NIM1K: variants seen among roughly 807,000 people sequenced by gnomAD.
NIM1K encodes the protein serine/threonine-protein kinase NIM1.
Under a neutral mutation model 37.1 loss-of-function variants are expected in NIM1K, and 35 were observed. The ratio of observed to expected loss-of-function variants is 0.94; its 90% CI spans 0.72 to 1.25. The LOEUF (loss-of-function observed/expected upper bound fraction) is 1.25. Ranked by LOEUF, NIM1K falls within the 50% of genes most tolerant of loss-of-function variation. The probability of loss-of-function intolerance (pLI) is 0.00; values close to 1 mark genes in which losing one functional copy is unlikely to be tolerated. For missense variants in NIM1K, 564 were observed against 548.0 expected (o/e 1.03, Z -0.29); for synonymous variants, 234 against 206.6 (o/e 1.13, Z -1.14).
chr5:43,219,141 G>A (rs970452267), intron 1 of NIM1K, among the ~76,000 whole-genome samples: 1 of 152,022 alleles, frequency 6.6e-6, no homozygotes, highest in Non-Finnish European at 1.5e-5. Context: ...GTTTCCTGAG[G>A]CCTCCCCAGC....
At chr5:43,258,128 C>A (rs555822625) in intron 2 of NIM1K, among the ~76,000 whole-genome samples, 1 of 152,180 alleles carries the variant, frequency 6.6e-6, no homozygotes, top group Non-Finnish European at 1.5e-5. Context: ...TGAAGTGTAA[C>A]CACTATTCTG....
At chr5:43,269,643 G>C (rs1161736508) in intron 2 of NIM1K, among the ~76,000 whole-genome samples, 1 of 151,834 alleles carries the variant, frequency 6.6e-6, no homozygotes, top group Non-Finnish European at 1.5e-5. Flanking sequence ...TTTTGAGACA[G>C]AGTCTTGCTC....
chr5:43,255,598 A>T (rs1037648233), intron 2 of NIM1K, among the ~76,000 whole-genome samples: 3 of 151,870 alleles, frequency 2.0e-5, no homozygotes, highest in African/African-American at 7.3e-5. Context: ...AAAATACAAA[A>T]ATTAGCTGGG....
rs1752764711 is a variant in NIM1K at position 43,245,601 on chromosome 5, C to A, written c.-175C>A. The A allele has an allele frequency of 1.7e-6, 1 of 588,882 alleles. No individual in the cohort carries two copies. Among genetic ancestry groups the A allele is most frequent in the African/African-American group, 1.9e-5 (1 of 53,932 alleles). 36.5% of individuals were successfully genotyped at this position (588,882 alleles called of 1,614,324 possible). ...CTGGGCTGGGCAGACTCAGCTACCA[C>A]GTTCACTGCCTTCCTCTCACTAAAG... On this transcript the variant is annotated 5_prime_UTR_variant, in exon 2 of 4. Coordinates refer to ENST00000326035, the MANE Select transcript of NIM1K (RefSeq NM_153361.4).
chr5:43,234,242 T>A (rs201033551), intron 1 of NIM1K, among the ~76,000 whole-genome samples: 10 of 151,146 alleles, frequency 6.6e-5, no homozygotes, highest in East Asian at 3.9e-4. Context: ...CGTGTCATTC[T>A]TTCATTCATT....
At position 43,256,698 on chromosome 5, in the gene NIM1K, C is replaced by A. The variant is rs1235994583; in HGVS notation, c.292+10631C>A. Among the ~76,000 whole-genome samples, 4 of 152,278 alleles carry A rather than the reference C, an allele frequency of 2.6e-5. No homozygotes were observed. The East Asian group carries it at 5.8e-4, about 22-fold the overall frequency. ...GGAGCCTCCTCTGCATGCATGGTAG[C>A]CCAGAAGTACAGAATGCACTTCCTG... On this transcript the variant is annotated intron_variant, in intron 2 of 3. Coordinates refer to ENST00000326035, the MANE Select transcript of NIM1K (RefSeq NM_153361.4).
intron 1 of NIM1K, among the ~76,000 whole-genome samples, chr5:43,240,887 A>G (rs1027247613): frequency 6.6e-6 from 1 of 151,800 alleles, no homozygotes; most frequent in African/African-American, 2.4e-5. Flanking sequence ...CCACCTCTTA[A>G]CAGTATATCT....
At chr5:43,242,368 C>G (rs1752715536) in intron 1 of NIM1K, among the ~76,000 whole-genome samples, 2 of 151,562 alleles carry the variant, frequency 1.3e-5, no homozygotes, top group African/African-American at 4.9e-5. Context: ...GAAGCAGCAG[C>G]TGGGCAGGAG....
At chr5:43,231,053 C>T (rs1462100348) in intron 1 of NIM1K, among the ~76,000 whole-genome samples, 1 of 152,210 alleles carries the variant, frequency 6.6e-6, no homozygotes, top group Non-Finnish European at 1.5e-5. Context: ...TGCTGTGGCT[C>T]ACACCTATAA....
At position 43,264,586 on chromosome 5, in the gene NIM1K, A is replaced by T. The variant is rs368054857; in HGVS notation, c.293-12471A>T. ...TTGACTCTATCCAATTTGCCAGTCT[A>T]TGTCTTTTAATTGGAGGATTTAGCC... On this transcript the variant is annotated intron_variant, in intron 2 of 3. Transcript: ENST00000326035. 2.9e-3 allele frequency among the ~76,000 whole-genome samples: 438 copies of T among 152,210 alleles called. 2 individuals are homozygous for T. The highest frequency in any genetic ancestry group is 0.01 in the African/African-American group (430 of 41,510).
intron 1 of NIM1K, among the ~76,000 whole-genome samples, chr5:43,224,846 C>T (rs1752430999): frequency 6.6e-6 from 1 of 152,082 alleles, no homozygotes; most frequent in African/African-American, 2.4e-5. Context: ...CAGGCGTCCA[C>T]CATCACACCC....
At chr5:43,261,230 G>A in intron 2 of NIM1K, among the ~76,000 whole-genome samples, 1 of 152,214 alleles carries the variant, frequency 6.6e-6, no homozygotes, top group Non-Finnish European at 1.5e-5. Context: ...CCCACCAACA[G>A]TGTAAAAGTG....
intron 1 of NIM1K, among the ~76,000 whole-genome samples, chr5:43,218,548 G>C (rs1048956574): frequency 2.0e-5 from 3 of 152,016 alleles, no homozygotes; most frequent in Non-Finnish European, 2.9e-5. Context: ...GAAAGAGAGA[G>C]GAGGAGGTGC....
At chr5:43,220,215 C>A (rs998053159) in intron 1 of NIM1K, among the ~76,000 whole-genome samples, 1 of 150,154 alleles carries the variant, frequency 6.7e-6, no homozygotes, top group Non-Finnish European at 1.5e-5. Flanking sequence ...ACATTTAGGT[C>A]TTTAATGCAT....
intron 1 of NIM1K, among the ~76,000 whole-genome samples, chr5:43,206,082 T>C (rs1374946410): frequency 7.9e-5 from 12 of 152,118 alleles, no homozygotes; most frequent in Admixed American, 7.9e-4. Flanking sequence ...CTAGGGAATA[T>C]TGAAAATATG....
intron 1 of NIM1K, among the ~76,000 whole-genome samples, chr5:43,237,423 G>T (rs2112251587): frequency 6.6e-6 from 1 of 152,274 alleles, no homozygotes; most frequent in Non-Finnish European, 1.5e-5. Context: ...AATTTTGTCT[G>T]GTTGAGTTTC....
intron 2 of NIM1K, among the ~76,000 whole-genome samples, chr5:43,262,336 G>A (rs1296937109): frequency 6.6e-6 from 1 of 152,114 alleles, no homozygotes; most frequent in East Asian, 1.9e-4. Context: ...TCCCTTGTAA[G>A]TTGGATTCCT....
chr5:43,203,284 A>C lies in NIM1K; in HGVS notation c.-695+10873A>C, dbSNP rs1398853697. Among the ~76,000 whole-genome samples, 4 of 152,186 alleles carry C rather than the reference A, an allele frequency of 2.6e-5. No individual in the cohort carries two copies. The South Asian group carries it at 8.3e-4, about 32-fold the overall frequency. ...AAGTTCAGCCTAAAGCTGCCTCCCT[A>C]CATATTTTGAGTTTGGCCTAAAAGT... On this transcript the variant is annotated intron_variant, in intron 1 of 3. Transcript: ENST00000326035.
intron 2 of NIM1K, among the ~76,000 whole-genome samples, chr5:43,253,212 ATGTGTGTGTGTGTGTGTGTGTGTG>A (rs10603525): frequency 7.6e-6 from 1 of 131,754 alleles, no homozygotes; most frequent in African/African-American, 2.9e-5. Context: ...AATATAATAT[ATGTGTGTGTGTGTGTGTGTGTGTG>A]TGTGTGTGTG....
Sources: gnomAD v4.1 joint callset for allele counts (sites outside exome capture counted in the v4.1 genomes callset) on GRCh38, gnomAD v4.1.1 for gene constraint, MANE v1.5 for transcripts, NCBI Gene and HGNC (gene_info 2026-07-23, HGNC 2026-07-21) for gene names.